WASF2: variants seen among roughly 807,000 people sequenced by gnomAD.
WASF2 encodes the protein WASP family member 2.
In WASF2, 14 loss-of-function variants were observed where a neutral mutation model predicts 45.0. That is an observed-to-expected ratio of 0.31 (90% CI 0.21 to 0.49). The LOEUF (loss-of-function observed/expected upper bound fraction) is 0.49, where lower values mean the gene tolerates loss of function less well. WASF2 is among the 20% of genes least tolerant of loss of function. WASF2 has a pLI of 0.99. For missense variants in WASF2, 439 were observed against 636.1 expected (o/e 0.69, Z 3.33); for synonymous variants, 200 against 236.3 (o/e 0.85, Z 1.41).
At chr1:27,435,096 C>G (rs536208564) in intron 1 of WASF2, among the ~76,000 whole-genome samples, 1 of 152,110 alleles carries the variant, frequency 6.6e-6, no homozygotes, top group East Asian at 1.9e-4. Context: ...TACAGGCATA[C>G]AGCACCATGC....
intron 1 of WASF2, among the ~76,000 whole-genome samples, chr1:27,440,871 C>CT (rs539258161): frequency 9.7e-4 from 142 of 146,716 alleles, no homozygotes; most frequent in African/African-American, 2.4e-3. Context: ...GATCATAACA[C>CT]TTTTTTTTTT....
chr1:27,486,627 T>TC (rs1422150202), intron 1 of WASF2, among the ~76,000 whole-genome samples: 1 of 152,074 alleles, frequency 6.6e-6, no homozygotes, highest in East Asian at 1.9e-4. Flanking sequence ...ACAGTTAAAA[T>TC]ATAGCTAAAG....
At chr1:27,443,161 T>C (rs2017264012) in intron 1 of WASF2, among the ~76,000 whole-genome samples, 1 of 147,060 alleles carries the variant, frequency 6.8e-6, no homozygotes, top group African/African-American at 2.5e-5. Context: ...GAGACCCTGT[T>C]TCTAAATAAA....
At chr1:27,428,702 C>A in intron 2 of WASF2, 59 bp downstream of exon 2, 1 of 1,612,902 alleles carries the variant, frequency 6.2e-7, no homozygotes. Context: ...GAGAAGGAAA[C>A]TAAATAAAGA....
chr1:27,473,498 T>C (rs1357156833), intron 1 of WASF2, among the ~76,000 whole-genome samples: 2 of 150,974 alleles, frequency 1.3e-5, no homozygotes, highest in Non-Finnish European at 3.0e-5. Flanking sequence ...AGTTACATTG[T>C]TAATCATGGA....
chr1:27,454,187 A>ATATTTT (rs1469446976), intron 1 of WASF2, among the ~76,000 whole-genome samples: 1 of 12,774 alleles, frequency 7.8e-5, no homozygotes, highest in African/African-American at 2.1e-4. Context: ...ATATATATAT[A>ATATTTT]TTTTTTTTTT....
intron 1 of WASF2, among the ~76,000 whole-genome samples, chr1:27,438,688 T>C (rs1222674743): frequency 1.3e-5 from 2 of 152,230 alleles, no homozygotes; most frequent in Non-Finnish European, 2.9e-5. Flanking sequence ...GCAGCAGTCC[T>C]GAGATGTGAC....
intron 1 of WASF2, among the ~76,000 whole-genome samples, chr1:27,476,615 T>C (rs1335511449): frequency 6.6e-6 from 1 of 151,978 alleles, no homozygotes; most frequent in Admixed American, 6.6e-5. Context: ...TTCCAGAGGC[T>C]TCTGAAAAGA....
chr1:27,477,923 A>AT lies in WASF2; in HGVS notation c.-44+12062_-44+12063insA, dbSNP rs1347225088. 6.1e-5 allele frequency among the ~76,000 whole-genome samples: 9 copies of AT among 147,412 alleles called. 3 individuals carry two copies. Among genetic ancestry groups the AT allele is most frequent in the African/African-American group, 2.3e-4 (9 of 38,764 alleles). ...CAAAAAAAAAAAATAAATAAATAAA[A>AT]AAAAAAATAAAAATAAATAAATCTA... is the stretch of plus-strand genomic sequence containing the variant. On this transcript the variant is annotated intron_variant, in intron 1 of 8. Transcript: ENST00000618852.
intron 1 of WASF2, among the ~76,000 whole-genome samples, chr1:27,476,814 G>C (rs1030856475): frequency 2.0e-5 from 3 of 152,190 alleles, no homozygotes; most frequent in Non-Finnish European, 4.4e-5. Flanking sequence ...CCAGTTTGCA[G>C]ATGACTCTAC....
chr1:27,477,673 G>C (rs11586554), intron 1 of WASF2, among the ~76,000 whole-genome samples: 2,122 of 105,162 alleles, frequency 0.02, 182 homozygotes, highest in Non-Finnish European at 0.026. Context: ...GCCGAGGCGG[G>C]CGGATCACGA....
At chr1:27,440,975 T>C (rs954974139) in intron 1 of WASF2, among the ~76,000 whole-genome samples, 4 of 151,868 alleles carry the variant, frequency 2.6e-5, no homozygotes, top group Non-Finnish European at 4.4e-5. Flanking sequence ...CCAGCTATCC[T>C]CCCGCCTTAG....
At position 27,418,222 on chromosome 1, in the gene WASF2, G is replaced by A. The variant is rs74960421; in HGVS notation, c.419+47C>T. 585 of 1,566,948 alleles carry A rather than the reference G, an allele frequency of 3.7e-4. 2 individuals carry two copies. In the East Asian group the frequency reaches 9.2e-3, roughly 25 times the overall value. On this transcript the variant is annotated intron_variant, in intron 4 of 8. Coordinates refer to ENST00000618852, the MANE Select transcript of WASF2 (RefSeq NM_006990.5). ...CGCTTCAGACAAAAAAAAATCTAGCGTTATTAAACCATAGGTTGAAAAAGG... is the reference window on the plus strand; with the variant it reads ...CGCTTCAGACAAAAAAAAATCTAGCATTATTAAACCATAGGTTGAAAAAGG...
chr1:27,456,903 C>T (rs556749711), intron 1 of WASF2, among the ~76,000 whole-genome samples: 1 of 151,812 alleles, frequency 6.6e-6, no homozygotes, highest in African/African-American at 2.4e-5. Flanking sequence ...CCACGCCCGG[C>T]AATTTTTTTT....
chr1:27,478,644 G>A (rs1309418516), intron 1 of WASF2, among the ~76,000 whole-genome samples: 6 of 152,222 alleles, frequency 3.9e-5, no homozygotes, highest in African/African-American at 1.2e-4. Context: ...GTGCAATGGC[G>A]TGATCTCGGC....
At chr1:27,482,767 T>C (rs1478996623) in intron 1 of WASF2, among the ~76,000 whole-genome samples, 2 of 152,200 alleles carry the variant, frequency 1.3e-5, no homozygotes, top group African/African-American at 2.4e-5. Context: ...AGGAACTGCA[T>C]AACCAGAAAG....
At chr1:27,440,840 T>G (rs548944525) in intron 1 of WASF2, among the ~76,000 whole-genome samples, 1 of 152,146 alleles carries the variant, frequency 6.6e-6, no homozygotes, top group African/African-American at 2.4e-5. Flanking sequence ...ATGGACCACA[T>G]ATATGACAGT....
rs1009277638 is a variant in WASF2 at position 27,446,140 on chromosome 1, T to A, written c.-43-17207A>T. On this transcript the variant is annotated intron_variant, in intron 1 of 8. Transcript: ENST00000618852. ...CTTTAATCGTAAAAAGTAATTACAA[T>A]ATGTACATGTATTCTTTACTAGATT... 2.0e-5 allele frequency among the ~76,000 whole-genome samples: 3 copies of A among 152,144 alleles called. No individual in the cohort carries two copies. In the South Asian group the frequency reaches 6.2e-4, roughly 32 times the overall value.
chr1:27,405,243 C>G lies in WASF2; in HGVS notation c.*2946G>C, dbSNP rs2016650624. 6.6e-6 allele frequency: 1 copy of G among 152,308 alleles called. No individual in the cohort carries two copies. Among genetic ancestry groups the G allele is most frequent in the Non-Finnish European group, 1.5e-5 (1 of 68,092 alleles). The allele number at this position is 152,308 out of a possible 1,614,324, so 9.4% of individuals were successfully genotyped here. ...GGAGGCGAGCTGGAGCCTGGGCCAG[C>G]TGCTCTGAGCCTCCAAGGGCTGGCT... On this transcript the variant is annotated 3_prime_UTR_variant, in exon 9 of 9. Transcript: ENST00000618852.
Sources: allele counts gnomAD v4.1 joint callset (sites outside exome capture counted in the v4.1 genomes callset), GRCh38; gene constraint gnomAD v4.1.1; transcripts MANE v1.5; gene names NCBI Gene and HGNC (gene_info 2026-07-23, HGNC 2026-07-21).